Variants in SRGAP2 observed in about 807,000 individuals in gnomAD.
SRGAP2 encodes SLIT-ROBO Rho GTPase activating protein 2, also known as SLIT-ROBO Rho GTPase-activating protein 2.
A neutral mutation model predicts 57.2 loss-of-function variants in SRGAP2; 15 were observed. The observed-to-expected ratio is 0.26, with a 90% CI of 0.18 to 0.40. The LOEUF (loss-of-function observed/expected upper bound fraction) is 0.40, where lower values mean the gene tolerates loss of function less well. SRGAP2 is among the 10% of genes least tolerant of loss of function. The probability of loss-of-function intolerance (pLI) is 1.00; values close to 1 mark genes in which losing one functional copy is unlikely to be tolerated. For synonymous variants in SRGAP2, 249 were observed against 248.0 expected (o/e 1.00, Z -0.04); for missense variants, 520 against 669.6 (o/e 0.78, Z 2.47).
intron 2 of SRGAP2, among the ~76,000 whole-genome samples, chr1:206,251,640 C>T (rs1448754391): frequency 2.0e-5 from 3 of 150,498 alleles, no homozygotes; most frequent in Non-Finnish European, 2.9e-5. Context: ...ATCTGGACAA[C>T]GTGGACCTTG....
At chr1:206,412,706 T>C (rs968066449) in intron 10 of SRGAP2, among the ~76,000 whole-genome samples, 5 of 148,684 alleles carry the variant, frequency 3.4e-5, no homozygotes, top group African/African-American at 1.3e-4. Flanking sequence ...CGGTCTCAGC[T>C]CCTTTCTCTG....
At position 206,340,277 on chromosome 1, in the gene SRGAP2, T is replaced by C. The variant is rs1429528772; in HGVS notation, c.261-2569T>C. 4.4e-5 allele frequency among the ~76,000 whole-genome samples: 6 copies of C among 135,464 alleles called. No homozygotes were observed. In the East Asian group the frequency reaches 1.2e-3, roughly 27 times the overall value. 88.9% of individuals were successfully genotyped at this position (135,464 alleles called of 152,430 possible). On this transcript the variant is annotated intron_variant, in intron 3 of 22. Transcript: ENST00000573034. ...TTTTGCCTCCTCTGCTTCCTTTTGA[T>C]CTGCGGTCTACCTTTCTGAGCTAGC...
intron 4 of SRGAP2, among the ~76,000 whole-genome samples, chr1:206,357,651 T>C (rs1467340445): frequency 6.7e-6 from 1 of 149,912 alleles, no homozygotes; most frequent in Non-Finnish European, 1.5e-5. Flanking sequence ...TGGCGTGATC[T>C]TGGCTCACTG....
At chr1:206,416,769 C>T (rs1572097092) in intron 11 of SRGAP2, among the ~76,000 whole-genome samples, 1 of 152,146 alleles carries the variant, frequency 6.6e-6, no homozygotes, top group Non-Finnish European at 1.5e-5. Context: ...ATGCCGCCCC[C>T]CCCTCCCTGC....
chr1:206,275,837 G>A (rs1283499193), intron 2 of SRGAP2, among the ~76,000 whole-genome samples: 1 of 151,948 alleles, frequency 6.6e-6, no homozygotes, highest in Non-Finnish European at 1.5e-5. Context: ...GGATGGTCTC[G>A]ATCTCTTGAC....
At chr1:206,440,536 A>G (rs562886763) in intron 17 of SRGAP2, among the ~76,000 whole-genome samples, 6 of 152,024 alleles carry the variant, frequency 3.9e-5, no homozygotes, top group South Asian at 4.2e-4. Context: ...GGATTTGGGA[A>G]GCAATTAGAA....
chr1:206,418,083 A>G (rs1049354605), intron 11 of SRGAP2, among the ~76,000 whole-genome samples: 1 of 151,540 alleles, frequency 6.6e-6, no homozygotes, highest in Non-Finnish European at 1.5e-5. Context: ...TAATCTAAAG[A>G]TGACAAGTTC....
intron 10 of SRGAP2, chr1:206,407,230 T>C: frequency 2.3e-5 from 1 of 42,656 alleles, no homozygotes; most frequent in Non-Finnish European, 3.6e-5. Flanking sequence ...CTTTGTGTGC[T>C]GCTTTTTAAT....
At chr1:206,332,374 A>T (rs1422669609) in intron 3 of SRGAP2, among the ~76,000 whole-genome samples, 15 of 136,142 alleles carry the variant, frequency 1.1e-4, no homozygotes, top group African/African-American at 4.3e-4. Context: ...AGATTGGGGA[A>T]GTTCTCCTGG....
chr1:206,423,562 C>A (rs192665130), intron 13 of SRGAP2, among the ~76,000 whole-genome samples: 1 of 152,290 alleles, frequency 6.6e-6, no homozygotes, highest in East Asian at 1.9e-4. Context: ...GGACTCCATT[C>A]TTCACAGTCT....
At chr1:206,429,150 A>G (rs1381235669) in intron 13 of SRGAP2, among the ~76,000 whole-genome samples, 1 of 152,146 alleles carries the variant, frequency 6.6e-6, no homozygotes, top group African/African-American at 2.4e-5. Flanking sequence ...TAGAAGGCAA[A>G]TTGAGGCCCA....
chr1:206,449,208 C>G (rs2103374139), intron 18 of SRGAP2, among the ~76,000 whole-genome samples: 1 of 152,126 alleles, frequency 6.6e-6, no homozygotes, highest in East Asian at 1.9e-4. Flanking sequence ...GTTCTGAAGT[C>G]CATGAGCCAG....
At chr1:206,314,105 G>GTTT (rs797022788) in intron 3 of SRGAP2, among the ~76,000 whole-genome samples, 16 of 138,552 alleles carry the variant, frequency 1.2e-4, no homozygotes, top group East Asian at 4.2e-4. Context: ...TGTTTTTTTT[G>GTTT]TTTTTTTTTT....
chr1:206,440,313 T>G (rs1217324472), intron 17 of SRGAP2, among the ~76,000 whole-genome samples: 1 of 151,942 alleles, frequency 6.6e-6, no homozygotes, highest in African/African-American at 2.4e-5. Flanking sequence ...ATATATCAGG[T>G]AGAATAAGTG....
intron 5 of SRGAP2, among the ~76,000 whole-genome samples, chr1:206,387,153 G>A (rs1204662841): frequency 4.2e-5 from 6 of 144,472 alleles, no homozygotes; most frequent in Middle Eastern, 7.0e-3. Flanking sequence ...AAAAATAGCA[G>A]TTCAGAGAAT....
chr1:206,375,806 TGA>T (rs1655145086), intron 4 of SRGAP2, among the ~76,000 whole-genome samples: 1 of 152,114 alleles, frequency 6.6e-6, no homozygotes, highest in African/African-American at 2.4e-5. Context: ...GGGTAGGAGC[TGA>T]GTCCACAAAG....
At chr1:206,430,032 G>A in intron 13 of SRGAP2, 130 bp from the exon 14 acceptor site, 1 of 694,260 alleles carries the variant, frequency 1.4e-6, no homozygotes, top group South Asian at 1.6e-5. Flanking sequence ...TTGGAGGACA[G>A]GCCAGGTGCT....
chr1:206,341,355 A>G (rs1209466626), intron 3 of SRGAP2, among the ~76,000 whole-genome samples: 1 of 152,256 alleles, frequency 6.6e-6, no homozygotes, highest in Non-Finnish European at 1.5e-5. Flanking sequence ...AGTGAATGAC[A>G]GTACTCGCTT....
chr1:206,447,557 C>T (rs1553374323), intron 18 of SRGAP2, among the ~76,000 whole-genome samples: 2 of 152,124 alleles, frequency 1.3e-5, no homozygotes, highest in Admixed American at 6.5e-5. Context: ...TTTTTGTCAC[C>T]GACAGATGGT....
Sources: gnomAD v4.1 joint callset for allele counts (sites outside exome capture counted in the v4.1 genomes callset) on GRCh38, gnomAD v4.1.1 for gene constraint, MANE v1.5 for transcripts, NCBI Gene and HGNC (gene_info 2026-07-23, HGNC 2026-07-21) for gene names.